ACOX3: variants seen among roughly 807,000 people sequenced by gnomAD.
ACOX3 encodes the protein acyl-CoA oxidase 3, pristanoyl.
In ACOX3, 73 loss-of-function variants were observed where a neutral mutation model predicts 81.5. That is an observed-to-expected ratio of 0.90 (90% CI 0.74 to 1.09). The LOEUF (loss-of-function observed/expected upper bound fraction) is 1.09, where lower values mean the gene tolerates loss of function less well. ACOX3 is among the 50% of genes least tolerant of loss of function. The pLI, the probability that ACOX3 is intolerant of heterozygous loss-of-function variation, is 0.00. For missense variants in ACOX3, 947 were observed against 928.0 expected (o/e 1.02, Z -0.27); for synonymous variants, 387 against 375.1 (o/e 1.03, Z -0.37).
intron 1 of ACOX3, among the ~76,000 whole-genome samples, chr4:8,427,634 C>T (rs1354267689): frequency 6.6e-6 from 1 of 152,196 alleles, no homozygotes; most frequent in Non-Finnish European, 1.5e-5. Flanking sequence ...TCTAATAGAG[C>T]TATAACACTC....
rs1372021673 is a variant in ACOX3 at position 8,419,434 on chromosome 4, A to G, written c.-14-2899T>C. Among the ~76,000 whole-genome samples the G allele has an allele frequency of 2.2e-5, 3 of 136,762 alleles. No homozygotes were observed. The highest frequency in any genetic ancestry group is 3.2e-5 in the African/African-American group (1 of 30,782). The allele number at this position is 136,762 out of a possible 152,430, so 89.7% of individuals were successfully genotyped here. ...GGGTGACAGAGTGAAACTCTGTCTCAAAAAAAAAAAGAAAAAAAGAAAAAA... is the reference window on the plus strand; with the variant it reads ...GGGTGACAGAGTGAAACTCTGTCTCGAAAAAAAAAAGAAAAAAAGAAAAAA... On this transcript the variant is annotated intron_variant, in intron 1 of 17. Transcript: ENST00000356406. This position sits in a 1 kb window ranked among gnomAD's most constrained non-coding sequence, Gnocchi z 4.2.
rs1317053201 is a variant in ACOX3, at chr4:8,419,344, A to C, written c.-14-2809T>G. ...CCAGCTACTTGGGAGGCTGAGGCAG[A>C]GAATTACTTAAACCCGGGAGGCAGA... On this transcript the variant is annotated intron_variant, in intron 1 of 17. Coordinates refer to ENST00000356406, the MANE Select transcript of ACOX3 (RefSeq NM_003501.3). The surrounding 1 kb of genome is among the most constrained non-coding windows in gnomAD (Gnocchi z 4.2). 6.6e-6 allele frequency among the ~76,000 whole-genome samples: 1 copy of C among 151,900 alleles called. No homozygotes were observed. The highest frequency in any genetic ancestry group is 1.5e-5 in the Non-Finnish European group (1 of 67,964).
At chr4:8,373,724 T>G in intron 15 of ACOX3, 96 bp from the exon 16 acceptor site, 1 of 1,167,774 alleles carries the variant, frequency 8.6e-7, no homozygotes, top group Non-Finnish European at 1.2e-6. Context: ...ATCGGCCATA[T>G]AGGAGGCCTG....
downstream of ACOX3, among the ~76,000 whole-genome samples, chr4:8,364,204 C>G (rs1186870656): frequency 1.3e-5 from 2 of 152,178 alleles, no homozygotes; most frequent in African/African-American, 4.8e-5. The surrounding 1 kb of genome is among the most constrained non-coding windows in gnomAD (Gnocchi z 5.0). Context: ...ACCTCTCTGC[C>G]TCTAACTTCT....
chr4:8,412,247 G>A (rs1721806341), intron 5 of ACOX3, among the ~76,000 whole-genome samples: 1 of 152,238 alleles, frequency 6.6e-6, no homozygotes, highest in African/African-American at 2.4e-5. Context: ...CTGAGAAGGA[G>A]CCTTGGCCCC....
rs1052579050 is a variant in ACOX3, at chr4:8,400,252, A to G, written c.777-600T>C. The stretch of plus-strand genomic sequence containing the variant: ...GGTGACAGAGCAAGACTCCACCTCA[A>G]TAATAATAATAATAATAATAATAAT... On this transcript the variant is annotated intron_variant, in intron 7 of 17. Coordinates refer to ENST00000356406, the MANE Select transcript of ACOX3 (RefSeq NM_003501.3). The surrounding 1 kb of genome is among the most constrained non-coding windows in gnomAD (Gnocchi z 4.4). Among the ~76,000 whole-genome samples the G allele has an allele frequency of 3.4e-5, 1 of 29,008 alleles. No homozygotes were observed. The highest frequency in any genetic ancestry group is 2.7e-4 in the Admixed American group (1 of 3,686). 19.0% of individuals were successfully genotyped at this position (29,008 alleles called of 152,430 possible).
downstream of ACOX3, among the ~76,000 whole-genome samples, chr4:8,361,911 T>C (rs1232623601): frequency 6.6e-6 from 1 of 152,246 alleles, no homozygotes; most frequent in African/African-American, 2.4e-5. Flanking sequence ...TATTGGTATA[T>C]GTTCCAAAAG....
chr4:8,392,436 C>A lies in ACOX3; in HGVS notation c.1197G>T (p.Glu399Asp). ...RSARQAELGR[E>D]IHALASASKP... ...TGCTGGCCGATGCCAGGGCGTGGAT[C>A]TCACGTCCAAGCTCTGCCTTTGGGT... Residue 399 changes from glutamate to aspartate, a missense_variant, in exon 11 of 18, where the codon GAG becomes GAT. By Grantham distance (45) the Glu-to-Asp change is conservative. Coordinates refer to ENST00000356406, the MANE Select transcript of ACOX3 (RefSeq NM_003501.3). The A allele has an allele frequency of 6.3e-7, 1 of 1,599,914 alleles. No homozygotes were observed. The highest frequency in any genetic ancestry group is 8.5e-7 in the Non-Finnish European group (1 of 1,174,704).
chr4:8,387,812 C>T (rs1224105953), intron 13 of ACOX3, among the ~76,000 whole-genome samples: 3 of 152,192 alleles, frequency 2.0e-5, no homozygotes, highest in Admixed American at 1.3e-4. Flanking sequence ...TGCGCTCAGG[C>T]AGCTGGCACC....
downstream of ACOX3, among the ~76,000 whole-genome samples, chr4:8,363,483 T>G (rs367793006): frequency 6.6e-5 from 10 of 152,322 alleles, no homozygotes; most frequent in African/African-American, 2.4e-4. Context: ...AGGAGTATCA[T>G]GGACCCTATT....
intron 15 of ACOX3, chr4:8,374,646 C>T (rs982553502): frequency 1.6e-5 from 4 of 247,358 alleles, no homozygotes; most frequent in Admixed American, 5.5e-5. Context: ...ACTCCTGGCT[C>T]GTGTCTGTCT....
Position 8,381,447 on chromosome 4 carries a change from T to C in ACOX3, c.1653+45A>G, listed in dbSNP as rs376302603. 228 of 1,565,106 alleles carry C rather than the reference T, an allele frequency of 1.5e-4. No homozygotes were observed. The African/African-American group carries it at 2.9e-3, about 20-fold the overall frequency. ...CCCAGGGACACAACGGCCAGGGAAT[T>C]AAGAGCAAATAATACAAAAGGGAAT... is the stretch of plus-strand genomic sequence containing the variant. On this transcript the variant is annotated intron_variant, in intron 14 of 17. Coordinates refer to ENST00000356406, the MANE Select transcript of ACOX3 (RefSeq NM_003501.3). This position sits in a 1 kb window ranked among gnomAD's most constrained non-coding sequence, Gnocchi z 4.3.
rs1458735448 is a variant in ACOX3 at position 8,368,781 on chromosome 4, T to A, written c.1984-1701A>T. ...TCTCACCCTGTTGGCCAGGCTGGAGTGCAGTGGCGCGATCACTGCCCACCA... is the reference window on the plus strand; with the variant it reads ...TCTCACCCTGTTGGCCAGGCTGGAGAGCAGTGGCGCGATCACTGCCCACCA... On this transcript the variant is annotated intron_variant, in intron 17 of 17. Coordinates refer to ENST00000356406, the MANE Select transcript of ACOX3 (RefSeq NM_003501.3). The surrounding 1 kb of genome is among the most constrained non-coding windows in gnomAD (Gnocchi z 5.9). 1.3e-5 allele frequency among the ~76,000 whole-genome samples: 2 copies of A among 150,454 alleles called. No homozygotes were observed. Among genetic ancestry groups the A allele is most frequent in the Non-Finnish European group, 3.0e-5 (2 of 67,776 alleles).
intron 1 of ACOX3, among the ~76,000 whole-genome samples, chr4:8,424,521 A>G (rs1341200051): frequency 2.0e-5 from 3 of 152,244 alleles, no homozygotes; most frequent in African/African-American, 7.2e-5. Flanking sequence ...CAGCAGTAGC[A>G]GTCTTAGTAT....
chr4:8,385,153 C>CT lies in ACOX3; in HGVS notation c.1538-3547_1538-3546insA, dbSNP rs1718153934. 6.6e-6 allele frequency among the ~76,000 whole-genome samples: 1 copy of CT among 152,128 alleles called. No homozygotes were observed. The highest frequency in any genetic ancestry group is 1.5e-5 in the Non-Finnish European group (1 of 68,020). ...ATTAAAGCCTAGCTCAAGGTCACAG[C>CT]GGGGGGCAGTGCTGACCCAATAGCC... On this transcript the variant is annotated intron_variant, in intron 13 of 17. Transcript: ENST00000356406. This position sits in a 1 kb window ranked among gnomAD's most constrained non-coding sequence, Gnocchi z 5.5.
intron 9 of ACOX3, 74 bp downstream of exon 9, chr4:8,396,863 C>A (rs533613882): frequency 1.3e-6 from 2 of 1,534,516 alleles, no homozygotes; most frequent in South Asian, 2.4e-5. Context: ...AGTAACCAAA[C>A]GGCAACTATG....
chr4:8,378,908 A>G (rs1054362245), intron 14 of ACOX3, among the ~76,000 whole-genome samples: 6 of 152,130 alleles, frequency 3.9e-5, no homozygotes, highest in Non-Finnish European at 8.8e-5. Flanking sequence ...CACCCTCTCC[A>G]TGAACGGTGC....
In ACOX3 at chr4:8,423,780, C is replaced by G. The variant is rs556436357; in HGVS notation, c.-14-7245G>C. 1.3e-5 allele frequency among the ~76,000 whole-genome samples: 2 copies of G among 152,328 alleles called. No homozygotes were observed. Among genetic ancestry groups the G allele is most frequent in the East Asian group, 3.9e-4 (2 of 5,182 alleles). On this transcript the variant is annotated intron_variant, in intron 1 of 17. Coordinates refer to ENST00000356406, the MANE Select transcript of ACOX3 (RefSeq NM_003501.3). This position sits in a 1 kb window ranked among gnomAD's most constrained non-coding sequence, Gnocchi z 4.2. ...ATCCTGACTCTCAATTCTTGCTTGC[C>G]TTTGAAGATCCTTTGAATCTAATGT...
intron 10 of ACOX3, among the ~76,000 whole-genome samples, chr4:8,393,613 A>G (rs867763407): frequency 8.2e-4 from 95 of 115,726 alleles, no homozygotes; most frequent in African/African-American, 3.1e-3. Context: ...AGACACACAC[A>G]CGCACACACA....
Sources: allele counts gnomAD v4.1 joint callset (sites outside exome capture counted in the v4.1 genomes callset), GRCh38; gene constraint gnomAD v4.1.1; non-coding constraint Gnocchi (gnomAD v3.1); transcripts MANE v1.5; gene names NCBI Gene and HGNC (gene_info 2026-07-23, HGNC 2026-07-21).